Variants in COL24A1 observed in about 807,000 individuals in gnomAD.
The protein encoded by COL24A1 is collagen type XXIV alpha 1 chain, also known as collagen alpha-1(XXIV) chain.
COL24A1 carries 224 observed loss-of-function variants against 253.9 expected under a neutral mutation model. The ratio of observed to expected loss-of-function variants is 0.88; its 90% CI spans 0.79 to 0.99. COL24A1 has a LOEUF of 0.99. COL24A1 is among the 50% of genes least tolerant of loss of function. The pLI, the probability that COL24A1 is intolerant of heterozygous loss-of-function variation, is 0.00. For synonymous variants in COL24A1, 685 were observed against 673.7 expected (o/e 1.02, Z -0.26); for missense variants, 2,131 against 2,068.5 (o/e 1.03, Z -0.59).
At chr1:85,832,113 A>C (rs2102130811) in intron 43 of COL24A1, among the ~76,000 whole-genome samples, 1 of 152,164 alleles carries the variant, frequency 6.6e-6, no homozygotes, top group Middle Eastern at 3.4e-3. Context: ...ATAAGGTGTA[A>C]GGAAGGGATC....
At chr1:86,109,734 A>G (rs1357419270) in intron 5 of COL24A1, among the ~76,000 whole-genome samples, 1 of 151,968 alleles carries the variant, frequency 6.6e-6, no homozygotes, top group Non-Finnish European at 1.5e-5. Context: ...TCTTCCCCCA[A>G]CCTCTGTCAT....
intron 24 of COL24A1, among the ~76,000 whole-genome samples, chr1:85,919,002 C>A (rs888497605): frequency 6.6e-6 from 1 of 152,092 alleles, no homozygotes; most frequent in African/African-American, 2.4e-5. Context: ...TCATTCTTCT[C>A]TATGTAACTT....
At chr1:85,957,623 T>A (rs976542126) in intron 24 of COL24A1, among the ~76,000 whole-genome samples, 4 of 152,184 alleles carry the variant, frequency 2.6e-5, no homozygotes, top group African/African-American at 9.7e-5. Flanking sequence ...CAATCTGTTA[T>A]CTCAAATATC....
rs770212757 is a variant in COL24A1 at position 85,838,561 on chromosome 1, G to C, written c.3681+24C>G. The C allele has an allele frequency of 3.1e-6, 5 of 1,601,920 alleles. No homozygotes were observed. The African/African-American group carries it at 4.0e-5, about 13-fold the overall frequency. ...CAGAGAACCCTATTTAAATTCATTAGTAAGGGGTATAACTTGCAATTACCT... is the reference window on the plus strand; with the variant it reads ...CAGAGAACCCTATTTAAATTCATTACTAAGGGGTATAACTTGCAATTACCT... On this transcript the variant is annotated intron_variant, in intron 43 of 59. Transcript: ENST00000370571.
rs572755047 is a variant in COL24A1, at chr1:85,820,541, T to C, written c.3790-2454A>G. ...GACAATAGCAACTGTGGGCCAAAAG[T>C]GATGATGTGCATTTCAGGGGACACT... On this transcript the variant is annotated intron_variant, in intron 45 of 59. Coordinates refer to ENST00000370571, the MANE Select transcript of COL24A1 (RefSeq NM_152890.7). Among the ~76,000 whole-genome samples the C allele has an allele frequency of 2.6e-5, 4 of 152,190 alleles. No individual in the cohort carries two copies. In the South Asian group the frequency reaches 8.3e-4, roughly 32 times the overall value.
intron 9 of COL24A1, among the ~76,000 whole-genome samples, chr1:86,058,367 C>T (rs771222794): frequency 4.6e-5 from 7 of 150,990 alleles, no homozygotes; most frequent in Non-Finnish European, 8.9e-5. Flanking sequence ...CATATATTTA[C>T]ATATTCATGT....
At chr1:85,876,213 C>T (rs1321864177) in intron 33 of COL24A1, among the ~76,000 whole-genome samples, 1 of 151,614 alleles carries the variant, frequency 6.6e-6, no homozygotes, top group Non-Finnish European at 1.5e-5. Context: ...ATTACACTGG[C>T]AATAGGGATA....
At chr1:86,080,775 C>A (rs1356521340) in intron 7 of COL24A1, among the ~76,000 whole-genome samples, 5 of 151,840 alleles carry the variant, frequency 3.3e-5, no homozygotes, top group African/African-American at 1.2e-4. Flanking sequence ...TTAGTGGTTA[C>A]AAAATAAATC....
chr1:86,130,414 G>T (rs1648980668), intron 2 of COL24A1, among the ~76,000 whole-genome samples: 1 of 151,752 alleles, frequency 6.6e-6, no homozygotes, highest in African/African-American at 2.4e-5. Context: ...ATTTTTTGAA[G>T]TCTTTCACTA....
intron 19 of COL24A1, among the ~76,000 whole-genome samples, chr1:85,993,829 G>A (rs1450550221): frequency 6.6e-6 from 1 of 152,030 alleles, no homozygotes; most frequent in East Asian, 1.9e-4. Flanking sequence ...GATCTTTAGA[G>A]AGAATATATA....
rs1692943535 is a variant in COL24A1 at position 85,978,723 on chromosome 1, A to G, written c.2365-7330T>C. On this transcript the variant is annotated intron_variant, in intron 20 of 59. Transcript: ENST00000370571. The stretch of plus-strand genomic sequence containing the variant: ...TTACTAGACCTAAGAAATGAGACAG[A>G]TGGTGACACGATAATAGTGGGGGAT... 2.0e-5 allele frequency among the ~76,000 whole-genome samples: 3 copies of G among 152,204 alleles called. No individual in the cohort carries two copies. The South Asian group carries it at 6.2e-4, about 31-fold the overall frequency.
In COL24A1 at chr1:85,811,037, T is replaced by C. The variant is rs372336881; in HGVS notation, c.3951+5751A>G. On this transcript the variant is annotated intron_variant, in intron 47 of 59. Coordinates refer to ENST00000370571, the MANE Select transcript of COL24A1 (RefSeq NM_152890.7). ...CAGTATCATAGGTCTTTCATATAAGTGAGATCACAATATTCATCCTTTTGC... is the reference window on the plus strand; with the variant it reads ...CAGTATCATAGGTCTTTCATATAAGCGAGATCACAATATTCATCCTTTTGC... 7.4e-4 allele frequency among the ~76,000 whole-genome samples: 112 copies of C among 152,326 alleles called. 2 individuals are homozygous for C. The South Asian group carries it at 0.019, about 25-fold the overall frequency.
intron 7 of COL24A1, among the ~76,000 whole-genome samples, chr1:86,076,078 C>A (rs1487622890): frequency 6.6e-6 from 1 of 152,124 alleles, no homozygotes; most frequent in African/African-American, 2.4e-5. Flanking sequence ...AAAGCATAAT[C>A]AAATAGGAAG....
At chr1:85,738,706 T>C (rs544373157) in intron 57 of COL24A1, among the ~76,000 whole-genome samples, 2 of 152,316 alleles carry the variant, frequency 1.3e-5, no homozygotes, top group East Asian at 3.9e-4. Context: ...CCTTGTTCAT[T>C]CCACTTTTAT....
At position 85,935,781 on chromosome 1, in the gene COL24A1, G is replaced by A. The variant is rs1471014463; in HGVS notation, c.2563-24348C>T. On this transcript the variant is annotated intron_variant, in intron 24 of 59. Coordinates refer to ENST00000370571, the MANE Select transcript of COL24A1 (RefSeq NM_152890.7). ...CTGTATCCCTTATGCCTACTGCCTG[G>A]GATACATAAGATAACATACGTAGAA... is the stretch of plus-strand genomic sequence containing the variant. 1.4e-5 allele frequency among the ~76,000 whole-genome samples: 2 copies of A among 147,152 alleles called. 1 individual carries two copies. The highest frequency in any genetic ancestry group is 4.2e-4 in the East Asian group (2 of 4,708).
chr1:86,155,609 C>T (rs555583299), intron 1 of COL24A1: 4 of 152,480 alleles, frequency 2.6e-5, no homozygotes, highest in African/African-American at 9.6e-5. Flanking sequence ...CAGGACCCGC[C>T]CAAAACCTCC....
intron 37 of COL24A1, among the ~76,000 whole-genome samples, chr1:85,855,064 T>C (rs1012532731): frequency 5.3e-5 from 8 of 152,206 alleles, no homozygotes; most frequent in Non-Finnish European, 1.0e-4. Flanking sequence ...GAAATGCTAT[T>C]AATTTTTGTA....
chr1:85,821,103 A>G (rs1673581776), intron 45 of COL24A1, among the ~76,000 whole-genome samples: 1 of 152,098 alleles, frequency 6.6e-6, no homozygotes, highest in Admixed American at 6.5e-5. Context: ...GTTTTGGGAG[A>G]ACAAATATTT....
intron 47 of COL24A1, among the ~76,000 whole-genome samples, chr1:85,792,244 T>G (rs907861648): frequency 1.3e-5 from 2 of 152,068 alleles, no homozygotes; most frequent in African/African-American, 4.8e-5. Flanking sequence ...TCCTAGGATA[T>G]TAAATTGGGT....
Sources: gnomAD v4.1 joint callset for allele counts (sites outside exome capture counted in the v4.1 genomes callset) on GRCh38, gnomAD v4.1.1 for gene constraint, MANE v1.5 for transcripts, NCBI Gene and HGNC (gene_info 2026-07-23, HGNC 2026-07-21) for gene names.